The following QKI variants were observed in gnomAD, a reference collection of about 807,000 sequenced individuals.
The protein encoded by QKI is KH domain-containing RNA-binding protein QKI.
Under a neutral mutation model 39.0 loss-of-function variants are expected in QKI, and 10 were observed. The ratio of observed to expected loss-of-function variants is 0.26; its 90% CI spans 0.16 to 0.43. The LOEUF is 0.43. QKI is among the 20% of genes least tolerant of loss of function. The pLI, the probability that QKI is intolerant of heterozygous loss-of-function variation, is 1.00. For missense variants in QKI, 218 were observed against 428.0 expected, an observed-to-expected ratio of 0.51 and a Z score of 4.33; for synonymous variants, 204 against 155.4, an observed-to-expected ratio of 1.31 and a Z score of -2.33.
At chr6:163,484,118 T>C (rs1430203338) in intron 3 of QKI, among the ~76,000 whole-genome samples, 4 of 152,212 alleles carry the variant, frequency 2.6e-5, no homozygotes, top group African/African-American at 7.2e-5. Context: ...AACAGTAGGC[T>C]TAAAATATTC....
Position 163,573,301 on chromosome 6 carries a change from A to G in QKI, c.*2591A>G, listed in dbSNP as rs1783804835. ...TGTAGTTTTTAAGACTTTTTTTCTG[A>G]CAGTATTATGTAATTTTTTAGCGTG... On this transcript the variant is annotated 3_prime_UTR_variant, in exon 8 of 8. Coordinates refer to ENST00000361752, the MANE Select transcript of QKI (RefSeq NM_006775.3). 6.6e-6 allele frequency: 1 copy of G among 152,000 alleles called. No individual in the cohort carries two copies. The highest frequency in any genetic ancestry group is 1.5e-5 in the Non-Finnish European group (1 of 67,982). The allele number at this position is 152,000 out of a possible 1,614,324, so 9.4% of individuals were successfully genotyped here.
intron 1 of QKI, among the ~76,000 whole-genome samples, chr6:163,422,703 A>G (rs1168305931): frequency 6.6e-6 from 1 of 152,240 alleles, no homozygotes; most frequent in Non-Finnish European, 1.5e-5. Flanking sequence ...GAAGACATGC[A>G]GTGAATGTGA....
At chr6:163,469,372 AT>A (rs1792016139) in intron 2 of QKI, among the ~76,000 whole-genome samples, 1 of 152,060 alleles carries the variant, frequency 6.6e-6, no homozygotes, top group Non-Finnish European at 1.5e-5. Flanking sequence ...TTCATAATGC[AT>A]TTTTCCAGAC....
At chr6:163,541,435 A>G (rs1038109768) in intron 4 of QKI, among the ~76,000 whole-genome samples, 1 of 150,810 alleles carries the variant, frequency 6.6e-6, no homozygotes, top group Non-Finnish European at 1.5e-5. Context: ...AGTTGCGTGT[A>G]TATTCTGTAT....
intron 4 of QKI, among the ~76,000 whole-genome samples, chr6:163,537,653 A>G (rs1781282957): frequency 6.6e-6 from 1 of 152,170 alleles, no homozygotes; most frequent in Non-Finnish European, 1.5e-5. Context: ...TTCGTTCAGT[A>G]TTCTGTTGGG....
chr6:163,447,102 G>A (rs1790212019), intron 1 of QKI, among the ~76,000 whole-genome samples: 1 of 152,066 alleles, frequency 6.6e-6, no homozygotes, highest in Non-Finnish European at 1.5e-5. Context: ...AATTTTAAGA[G>A]TTTCTTATGC....
chr6:163,431,130 A>G (rs1253925211), intron 1 of QKI, among the ~76,000 whole-genome samples: 2 of 152,098 alleles, frequency 1.3e-5, no homozygotes, highest in African/African-American at 2.4e-5. Flanking sequence ...TTGTTTGGGA[A>G]TCTTAATTTT....
intron 1 of QKI, among the ~76,000 whole-genome samples, chr6:163,435,908 C>T (rs1271926212): frequency 6.6e-6 from 1 of 152,048 alleles, no homozygotes; most frequent in African/African-American, 2.4e-5. Flanking sequence ...TAGAAAATTT[C>T]TATTACAGGA....
intron 4 of QKI, among the ~76,000 whole-genome samples, chr6:163,540,013 T>G (rs1401946154): frequency 1.3e-5 from 2 of 152,130 alleles, no homozygotes; most frequent in African/African-American, 4.8e-5. Context: ...GAGATACTTT[T>G]GTAATGTAAG....
chr6:163,418,648 A>T (rs114780685), intron 1 of QKI, among the ~76,000 whole-genome samples: 1 of 152,150 alleles, frequency 6.6e-6, no homozygotes, highest in African/African-American at 2.4e-5. Context: ...TTGAAGATAG[A>T]GATGATTATA....
intron 6 of QKI, chr6:163,565,369 GTTCCA>G (rs1242787212): frequency 1.0e-6 from 1 of 986,172 alleles, no homozygotes; most frequent in African/African-American, 1.7e-5. Context: ...ACCAGCTGCT[GTTCCA>G]GCACTTTCAG....
Position 163,561,240 on chromosome 6 carries a change from G to A in QKI, c.547-742G>A, listed in dbSNP as rs115978682. Among the ~76,000 whole-genome samples, 385 of 152,178 alleles carry A rather than the reference G, an allele frequency of 2.5e-3. 2 individuals are homozygous for A. Among genetic ancestry groups the A allele is most frequent in the African/African-American group, 8.7e-3 (363 of 41,504 alleles). On this transcript the variant is annotated intron_variant, in intron 4 of 7. Transcript: ENST00000361752. ...ATCTTGTATGTTTAAAATTATTTGT[G>A]TGCACATGTGCACGCGCGTGTGTGT...
At chr6:163,494,655 T>C (rs1000286165) in intron 3 of QKI, among the ~76,000 whole-genome samples, 3 of 89,846 alleles carry the variant, frequency 3.3e-5, no homozygotes, top group African/African-American at 1.2e-4. Flanking sequence ...TTTTGGGTTT[T>C]TTTTTTGTTT....
intron 3 of QKI, among the ~76,000 whole-genome samples, chr6:163,496,684 C>T (rs893314588): frequency 7.2e-5 from 11 of 152,272 alleles, no homozygotes; most frequent in Admixed American, 7.2e-4. Context: ...TCTTTGCCTC[C>T]TCTTTGTGTA....
At chr6:163,547,043 C>G (rs964057202) in intron 4 of QKI, among the ~76,000 whole-genome samples, 2 of 151,934 alleles carry the variant, frequency 1.3e-5, no homozygotes, top group African/African-American at 4.8e-5. Context: ...TTTTTAGTAA[C>G]CTTCTTTGTA....
At chr6:163,541,158 T>A (rs958022108) in intron 4 of QKI, among the ~76,000 whole-genome samples, 2 of 152,210 alleles carry the variant, frequency 1.3e-5, no homozygotes, top group African/African-American at 4.8e-5. Flanking sequence ...ACAAATAATA[T>A]TATGCTGCGT....
intron 2 of QKI, among the ~76,000 whole-genome samples, chr6:163,475,228 T>C (rs1165736917): frequency 6.6e-6 from 1 of 152,188 alleles, no homozygotes; most frequent in Non-Finnish European, 1.5e-5. Context: ...ACCTAAGTAC[T>C]GTCAGCTGTT....
chr6:163,480,788 G>A (rs1161793965), intron 3 of QKI, among the ~76,000 whole-genome samples: 1 of 152,168 alleles, frequency 6.6e-6, no homozygotes, highest in Non-Finnish European at 1.5e-5. Flanking sequence ...AGTAATACTA[G>A]TTTAATTGCC....
intron 7 of QKI, 83 bp downstream of exon 7, chr6:163,566,878 T>C (rs1377622242): frequency 6.4e-7 from 1 of 1,550,626 alleles, no homozygotes; most frequent in African/African-American, 1.4e-5. Context: ...GATGGAAAAA[T>C]GTAATTGCTT....
Sources: allele counts gnomAD v4.1 joint callset (sites outside exome capture counted in the v4.1 genomes callset), GRCh38; gene constraint gnomAD v4.1.1; transcripts MANE v1.5; gene names NCBI Gene and HGNC (gene_info 2026-07-23, HGNC 2026-07-21).